Variants in ATF6 observed in about 807,000 individuals in gnomAD.
ATF6 encodes the protein cyclic AMP-dependent transcription factor ATF-6 alpha.
A neutral mutation model predicts 83.6 loss-of-function variants in ATF6; 53 were observed. That is an observed-to-expected ratio of 0.63 (90% CI 0.51 to 0.80). The LOEUF is 0.80. Among genes scored for constraint, ATF6 ranks in the 30% least tolerant of loss-of-function variants. The pLI is 0.00. For missense variants in ATF6, 744 were observed against 797.9 expected, an observed-to-expected ratio of 0.93 and a Z score of 0.81; for synonymous variants, 288 against 285.8, an observed-to-expected ratio of 1.01 and a Z score of -0.08.
At chr1:161,956,928 A>T (rs1359006803) in intron 15 of ATF6, among the ~76,000 whole-genome samples, 3 of 152,162 alleles carry the variant, frequency 2.0e-5, no homozygotes, top group Non-Finnish European at 4.4e-5. Flanking sequence ...CTCTCCAAAA[A>T]CATGCACACA....
intron 7 of ATF6, among the ~76,000 whole-genome samples, chr1:161,816,279 G>A (rs1685610874): frequency 6.6e-6 from 1 of 152,222 alleles, no homozygotes; most frequent in Non-Finnish European, 1.5e-5. Context: ...GAAATCATCT[G>A]ATATGCCCAT....
At chr1:161,868,592 A>T (rs1373048423) in intron 14 of ATF6, among the ~76,000 whole-genome samples, 1 of 151,860 alleles carries the variant, frequency 6.6e-6, no homozygotes, top group Non-Finnish European at 1.5e-5. Context: ...ATGGTTTTAG[A>T]CATGAGCCAT....
chr1:161,960,602 C>T lies in ATF6; in HGVS notation c.*1948C>T, dbSNP rs1689076983. On this transcript the variant is annotated 3_prime_UTR_variant, in exon 16 of 16. Transcript: ENST00000367942. ...AAAGCAGGGCTTTATTGTTGTGTTA[C>T]CTGGGAGTCTGGAGTTTGAAAAGTG... 6.6e-6 allele frequency: 1 copy of T among 152,202 alleles called. No homozygotes were observed. Among genetic ancestry groups the T allele is most frequent in the African/African-American group, 2.4e-5 (1 of 41,436 alleles). 9.4% of individuals were successfully genotyped at this position (152,202 alleles called of 1,614,324 possible). A position where few individuals can be genotyped will look rare whatever the true frequency, so the allele number is the denominator to read the frequency against.
chr1:161,851,820 C>T lies in ATF6; in HGVS notation c.1418C>T (p.Thr473Ile). Residue 473 changes from threonine to isoleucine, a missense_variant, in exon 11 of 16, where the codon ACA becomes ATA. Transcript: ENST00000367942. ...CCTCCTTGTCAGCCCCTAATTAACA[C>T]AACAGAGTCTCTCAGGTGAGTGTTG... ...PPPPCQPLIN[T>I]TESLRLNHEL... 1 of 1,612,456 alleles carries T rather than the reference C, an allele frequency of 6.2e-7. No individual in the cohort carries two copies. Among genetic ancestry groups the T allele is most frequent in the Non-Finnish European group, 8.5e-7 (1 of 1,178,570 alleles).
chr1:161,915,692 A>G (rs765805600), intron 15 of ATF6, among the ~76,000 whole-genome samples: 1 of 150,882 alleles, frequency 6.6e-6, no homozygotes, highest in Non-Finnish European at 1.5e-5. Flanking sequence ...GGCGTGACCC[A>G]TGGCTCACTC....
At chr1:161,922,077 G>A (rs1688224092) in intron 15 of ATF6, among the ~76,000 whole-genome samples, 2 of 152,128 alleles carry the variant, frequency 1.3e-5, no homozygotes, top group African/African-American at 4.8e-5. Context: ...TGTCTATATT[G>A]TTGCATTAGT....
intron 15 of ATF6, among the ~76,000 whole-genome samples, chr1:161,940,584 A>G (rs1430373578): frequency 9.1e-6 from 1 of 109,686 alleles, no homozygotes; most frequent in African/African-American, 3.2e-5. Context: ...TTTGAGACAG[A>G]GTCTTGCTCT....
chr1:161,954,883 A>C (rs1277264323), intron 15 of ATF6, among the ~76,000 whole-genome samples: 1 of 152,212 alleles, frequency 6.6e-6, no homozygotes, highest in African/African-American at 2.4e-5. Flanking sequence ...AAAGCCCAGA[A>C]CATAAGATTT....
chr1:161,904,121 A>G (rs1687841175), intron 14 of ATF6, among the ~76,000 whole-genome samples: 1 of 152,196 alleles, frequency 6.6e-6, no homozygotes, highest in South Asian at 2.1e-4. Context: ...AAAGATACAT[A>G]GTTAGTACAG....
Position 161,766,452 on chromosome 1 carries a change from A to T in ATF6, c.82+10A>T. On this transcript the variant is annotated intron_variant, in intron 1 of 15. Coordinates refer to ENST00000367942, the MANE Select transcript of ATF6 (RefSeq NM_007348.4). ...CTGGATGAAGATTGGGGTGAGTGGG[A>T]TCTGAGAATGTACCAGGGTGGCTCG... is the stretch of plus-strand genomic sequence containing the variant. The T allele has an allele frequency of 5.0e-6, 8 of 1,612,294 alleles. No homozygotes were observed. The highest frequency in any genetic ancestry group is 6.8e-6 in the Non-Finnish European group (8 of 1,179,034).
At chr1:161,815,391 A>G (rs1020639747) in intron 7 of ATF6, among the ~76,000 whole-genome samples, 3 of 151,056 alleles carry the variant, frequency 2.0e-5, no homozygotes, top group Non-Finnish European at 4.4e-5. Context: ...AGGTCTTCCT[A>G]TGTTTCCCAG....
chr1:161,944,566 C>G (rs1026060842), intron 15 of ATF6, among the ~76,000 whole-genome samples: 2 of 152,222 alleles, frequency 1.3e-5, no homozygotes, highest in African/African-American at 4.8e-5. Context: ...TCATTACCGT[C>G]TGTTTGATTC....
chr1:161,782,536 C>G (rs1455509798), intron 3 of ATF6, among the ~76,000 whole-genome samples: 2 of 152,158 alleles, frequency 1.3e-5, no homozygotes, highest in Non-Finnish European at 2.9e-5. Context: ...CCCTTCTCCT[C>G]CCTTCTAGCT....
intron 6 of ATF6, among the ~76,000 whole-genome samples, chr1:161,794,143 A>G (rs2134690): frequency 0.9 from 137,414 of 152,248 alleles, 62,170 homozygotes; most frequent in African/African-American, 0.96. Flanking sequence ...TTGACCTCGT[A>G]ATCGCCTGCC....
intron 14 of ATF6, among the ~76,000 whole-genome samples, chr1:161,894,916 A>C (rs1050976613): frequency 1.3e-5 from 2 of 151,732 alleles, no homozygotes; most frequent in African/African-American, 4.8e-5. Flanking sequence ...TCAACCATTA[A>C]TAGATAACTG....
chr1:161,867,640 T>G (rs1687035745), intron 14 of ATF6, among the ~76,000 whole-genome samples: 1 of 152,230 alleles, frequency 6.6e-6, no homozygotes, highest in Non-Finnish European at 1.5e-5. Context: ...TGCCATATTA[T>G]CTCTACTTGT....
At chr1:161,844,692 G>T (rs147704760) in intron 9 of ATF6, among the ~76,000 whole-genome samples, 2 of 151,944 alleles carry the variant, frequency 1.3e-5, no homozygotes, top group African/African-American at 4.8e-5. Flanking sequence ...AGAATTTTTG[G>T]CACCATGCTT....
chr1:161,766,762 C>T (rs1206624001), intron 1 of ATF6, among the ~76,000 whole-genome samples: 2 of 152,086 alleles, frequency 1.3e-5, no homozygotes, highest in Non-Finnish European at 2.9e-5. Flanking sequence ...TGGCTGGGAC[C>T]GCCAAAAAGG....
chr1:161,850,286 C>G (rs1686585437), intron 10 of ATF6, among the ~76,000 whole-genome samples: 1 of 152,062 alleles, frequency 6.6e-6, no homozygotes, highest in African/African-American at 2.4e-5. Flanking sequence ...TGTTCCCTCT[C>G]TACCTCCCCA....
Sources: gnomAD v4.1 joint callset for allele counts (sites outside exome capture counted in the v4.1 genomes callset) on GRCh38, gnomAD v4.1.1 for gene constraint, MANE v1.5 for transcripts, NCBI Gene and HGNC (gene_info 2026-07-23, HGNC 2026-07-21) for gene names.